The following GRK3 variants were observed in gnomAD, a reference collection of about 807,000 sequenced individuals.
The protein encoded by GRK3 is adrenergic, beta, receptor kinase 2.
In GRK3, 54 loss-of-function variants were observed where a neutral mutation model predicts 95.7. That is an observed-to-expected ratio of 0.56 (90% CI 0.45 to 0.71). The LOEUF is 0.71. Ranked by LOEUF, GRK3 falls within the 30% of genes least tolerant of loss-of-function variation. The probability of loss-of-function intolerance (pLI) is 0.00; values close to 1 mark genes in which losing one functional copy is unlikely to be tolerated. For missense variants in GRK3, 649 were observed against 851.2 expected (o/e 0.76, Z 2.96); for synonymous variants, 281 against 290.8 (o/e 0.97, Z 0.34).
chr22:25,701,773 T>G (rs942562463), intron 13 of GRK3, among the ~76,000 whole-genome samples: 3 of 152,148 alleles, frequency 2.0e-5, no homozygotes, highest in Non-Finnish European at 1.5e-5. Flanking sequence ...TTTTATACAT[T>G]AAGGAACATC....
At chr22:25,633,927 A>T (rs2084681802) in intron 2 of GRK3, among the ~76,000 whole-genome samples, 1 of 152,146 alleles carries the variant, frequency 6.6e-6, no homozygotes, top group Admixed American at 6.5e-5. Flanking sequence ...TGCTCTTTGG[A>T]TAATTTAATT....
chr22:25,655,976 T>A (rs1319036263), intron 3 of GRK3, among the ~76,000 whole-genome samples: 1 of 152,228 alleles, frequency 6.6e-6, no homozygotes, highest in East Asian at 1.9e-4. Flanking sequence ...AGTGCTGAAC[T>A]CTGACTGCCT....
intron 16 of GRK3, among the ~76,000 whole-genome samples, chr22:25,710,736 G>C (rs1049301355): frequency 6.6e-6 from 1 of 152,180 alleles, no homozygotes; most frequent in Non-Finnish European, 1.5e-5. Context: ...ACCCAAAGGT[G>C]GTGTTGCGTC....
Position 25,723,541 on chromosome 22 carries a change from A to G in GRK3, c.*1091A>G, listed in dbSNP as rs1050521027. ...TGGGCTGTACGACAGTGAGGACCTT[A>G]GGGCATGAAGCCTTTTTCCTGGTCC... is the stretch of plus-strand genomic sequence containing the variant. On this transcript the variant is annotated 3_prime_UTR_variant, in exon 21 of 21. Coordinates refer to ENST00000324198, the MANE Select transcript of GRK3 (RefSeq NM_005160.4). 5 of 152,206 alleles carry G rather than the reference A, an allele frequency of 3.3e-5. No homozygotes were observed. The highest frequency in any genetic ancestry group is 7.3e-5 in the Non-Finnish European group (5 of 68,052). The allele number at this position is 152,206 out of a possible 1,614,324, so 9.4% of individuals were successfully genotyped here.
At chr22:25,645,817 A>C (rs573811188) in intron 3 of GRK3, among the ~76,000 whole-genome samples, 125 of 151,750 alleles carry the variant, frequency 8.2e-4, no homozygotes, top group Non-Finnish European at 1.5e-3. Context: ...GCTACTCGGG[A>C]GGCTGAGGCA....
At chr22:25,616,163 G>A (rs1013353474) in intron 2 of GRK3, among the ~76,000 whole-genome samples, 7 of 152,156 alleles carry the variant, frequency 4.6e-5, no homozygotes, top group Non-Finnish European at 4.4e-5. Context: ...CAGTCTGGCC[G>A]ATGGGGAGGC....
At chr22:25,663,553 A>G in intron 4 of GRK3, 77 bp from the exon 5 acceptor site, 1 of 863,004 alleles carries the variant, frequency 1.2e-6, no homozygotes, top group South Asian at 1.8e-5. Flanking sequence ...TGTTAAATTT[A>G]TCTGTTGTGA....
At position 25,721,313 on chromosome 22, in the gene GRK3, C is replaced by T. The variant is rs1365066901; in HGVS notation, c.1821C>T (p.Leu607=). The change falls in exon 20 of 21, where the codon CTC becomes CTT. Residue 607 remains leucine (L), a synonymous_variant. Transcript: ENST00000324198. ...ATTTACTGACAATGGAACAGATTCT[C>T]TCTGTGGAAGAAACTCAAATTAAAG... ...RQNLLTMEQI[L]SVEETQIKDK... 6.3e-7 allele frequency: 1 copy of T among 1,597,058 alleles called. No homozygotes were observed. The highest frequency in any genetic ancestry group is 8.5e-7 in the Non-Finnish European group (1 of 1,170,540).
intron 7 of GRK3, among the ~76,000 whole-genome samples, chr22:25,673,725 G>A (rs1249217601): frequency 1.3e-5 from 2 of 152,014 alleles, no homozygotes; most frequent in Admixed American, 6.6e-5. Context: ...GGCCTCTTAC[G>A]TGAAATGTCA....
intron 2 of GRK3, among the ~76,000 whole-genome samples, chr22:25,609,848 T>C (rs925523126): frequency 4.1e-5 from 6 of 147,288 alleles, no homozygotes; most frequent in African/African-American, 1.5e-4. Flanking sequence ...ATTTTTACTT[T>C]TTTTTTTTTT....
At chr22:25,690,148 T>A in intron 11 of GRK3, 41 bp from the exon 12 acceptor site, 1 of 1,498,800 alleles carries the variant, frequency 6.7e-7, no homozygotes. Context: ...CTGCATGGCA[T>A]TTGGGGCACT....
chr22:25,655,041 C>A (rs1394359558), intron 3 of GRK3, among the ~76,000 whole-genome samples: 1 of 152,132 alleles, frequency 6.6e-6, no homozygotes, highest in Non-Finnish European at 1.5e-5. Flanking sequence ...ATTAGTAATT[C>A]TTCTCTGACC....
At chr22:25,626,334 T>A (rs1409705380) in intron 2 of GRK3, among the ~76,000 whole-genome samples, 4 of 152,194 alleles carry the variant, frequency 2.6e-5, no homozygotes, top group Admixed American at 1.3e-4. Flanking sequence ...GGTGATAGGA[T>A]GAATATCTGT....
At position 25,674,451 on chromosome 22, in the gene GRK3, G is replaced by C; in HGVS notation, c.570G>C (p.Glu190Asp). 2 of 1,613,650 alleles carry C rather than the reference G, an allele frequency of 1.2e-6. No homozygotes were observed. Among genetic ancestry groups the C allele is most frequent in the Non-Finnish European group, 1.7e-6 (2 of 1,179,620 alleles). The change falls in exon 8 of 21, where the codon GAG becomes GAC. Residue 190 changes from glutamate to aspartate, a missense_variant. Coordinates refer to ENST00000324198, the MANE Select transcript of GRK3 (RefSeq NM_005160.4). ...GGATTTCCCAGTTGACCATGAATGA[G>C]TTCAGTGTGCATAGGATTATTGGAC... ...VELNIHLTMNEFSVHRIIGRG... is the reference protein window; with the variant it reads ...VELNIHLTMNDFSVHRIIGRG...
chr22:25,612,481 ATCAGTTCT>A (rs1227249046), intron 2 of GRK3, among the ~76,000 whole-genome samples: 4 of 151,758 alleles, frequency 2.6e-5, no homozygotes, highest in African/African-American at 9.7e-5. Flanking sequence ...GAATTAGTTT[ATCAGTTCT>A]AGTAAGGTAT....
Position 25,723,729 on chromosome 22 carries a change from G to C in GRK3, c.*1279G>C, listed in dbSNP as rs2085452580. On this transcript the variant is annotated 3_prime_UTR_variant, in exon 21 of 21. Coordinates refer to ENST00000324198, the MANE Select transcript of GRK3 (RefSeq NM_005160.4). ...ACGTATTTGTCCCATTCTTGGAGTA[G>C]TTTTAGTGTATGTCTTTACATTAAC... is the stretch of plus-strand genomic sequence containing the variant. 1 of 152,244 alleles carries C rather than the reference G, an allele frequency of 6.6e-6. No individual in the cohort carries two copies. Among genetic ancestry groups the C allele is most frequent in the Middle Eastern group, 3.4e-3 (1 of 294 alleles). 9.4% of individuals were successfully genotyped at this position (152,244 alleles called of 1,614,324 possible).
intron 3 of GRK3, among the ~76,000 whole-genome samples, chr22:25,651,773 T>G (rs749836243): frequency 2.8e-4 from 42 of 152,198 alleles, no homozygotes; most frequent in Non-Finnish European, 5.9e-4. Context: ...AAACACTAAC[T>G]TAATGTGTAT....
Position 25,725,799 on chromosome 22 carries a change from A to C in GRK3, c.*3349A>C. The stretch of plus-strand genomic sequence containing the variant: ...GTCTCTACTAAAAATACAAATAAAA[A>C]TTAGCCGGGCGTGGTGGCGGGCGCC... On this transcript the variant is annotated 3_prime_UTR_variant, in exon 21 of 21. Coordinates refer to ENST00000324198, the MANE Select transcript of GRK3 (RefSeq NM_005160.4). 2.7e-6 allele frequency: 1 copy of C among 377,300 alleles called. No individual in the cohort carries two copies. Among genetic ancestry groups the C allele is most frequent in the Non-Finnish European group, 4.7e-6 (1 of 213,264 alleles). 23.4% of individuals were successfully genotyped at this position (377,300 alleles called of 1,614,324 possible).
intron 3 of GRK3, among the ~76,000 whole-genome samples, chr22:25,659,295 C>A (rs1188650586): frequency 1.3e-5 from 2 of 152,152 alleles, no homozygotes; most frequent in Non-Finnish European, 2.9e-5. Context: ...AGGTGAAGGA[C>A]AAAAGAGAGA....
Sources: gnomAD v4.1 joint callset for allele counts (sites outside exome capture counted in the v4.1 genomes callset) on GRCh38, gnomAD v4.1.1 for gene constraint, MANE v1.5 for transcripts, NCBI Gene and HGNC (gene_info 2026-07-23, HGNC 2026-07-21) for gene names.